The following DIP2B variants were observed in gnomAD, a reference collection of about 807,000 sequenced individuals.
DIP2B encodes the protein disco-interacting protein 2 homolog B.
In DIP2B, 76 loss-of-function variants were observed where a neutral mutation model predicts 198.0. The observed-to-expected ratio is 0.38, with a 90% CI of 0.32 to 0.46. The LOEUF (loss-of-function observed/expected upper bound fraction) is 0.46, where lower values mean the gene tolerates loss of function less well. Among genes scored for constraint, DIP2B ranks in the 20% least tolerant of loss-of-function variants. DIP2B has a pLI of 0.99. For synonymous variants in DIP2B, 701 were observed against 739.1 expected (o/e 0.95, Z 0.84); for missense variants, 1,559 against 1,978.4 (o/e 0.79, Z 4.02).
At chr12:50,515,344 C>T (rs909109611) in intron 1 of DIP2B, among the ~76,000 whole-genome samples, 5 of 152,006 alleles carry the variant, frequency 3.3e-5, no homozygotes, top group African/African-American at 1.2e-4. Context: ...AACAATTCTG[C>T]CTCAGCCTCC....
At chr12:50,721,776 G>A (rs1565882020) in intron 26 of DIP2B, among the ~76,000 whole-genome samples, 2 of 152,178 alleles carry the variant, frequency 1.3e-5, no homozygotes, top group African/African-American at 2.4e-5. Flanking sequence ...GAAATGTTGT[G>A]CGTGAATTCT....
In DIP2B at chr12:50,746,874, TG is replaced by T. The variant is rs888769930; in HGVS notation, c.*2036del. ...TAAAAGTTATGGTTAGATGCTATTC[TG>T]TGGGTTGCTTTGATAATTCTTACTA... On this transcript the variant is annotated 3_prime_UTR_variant, in exon 38 of 38. Transcript: ENST00000301180. The T allele has an allele frequency of 2.0e-5, 3 of 152,238 alleles. No individual in the cohort carries two copies. The highest frequency in any genetic ancestry group is 2.0e-4 in the Admixed American group (3 of 15,282). 9.4% of individuals were successfully genotyped at this position (152,238 alleles called of 1,614,324 possible).
chr12:50,547,996 T>C (rs544465723), intron 1 of DIP2B, among the ~76,000 whole-genome samples: 4 of 152,246 alleles, frequency 2.6e-5, no homozygotes, highest in Admixed American at 2.6e-4. Context: ...TTGAGCCTAG[T>C]AGTCCAAGGC....
intron 1 of DIP2B, among the ~76,000 whole-genome samples, chr12:50,533,601 G>A (rs1958237570): frequency 9.1e-6 from 1 of 110,420 alleles, no homozygotes; most frequent in African/African-American, 3.5e-5. Flanking sequence ...TATCAAGGAA[G>A]ACAACTTTTT....
intron 26 of DIP2B, 93 bp from the exon 27 acceptor site, chr12:50,723,109 C>A: frequency 1.3e-6 from 2 of 1,517,006 alleles, no homozygotes; most frequent in Non-Finnish European, 1.8e-6. Context: ...CTGTCTGGCA[C>A]ATGATTTAAT....
chr12:50,667,289 ATGTTTTCAGAAT>A (rs2139519797), intron 4 of DIP2B, among the ~76,000 whole-genome samples: 1 of 152,324 alleles, frequency 6.6e-6, no homozygotes, highest in South Asian at 2.1e-4. Context: ...AAGGCAAACT[ATGTTTTCAGAAT>A]TGTTTTCTGT....
intron 1 of DIP2B, among the ~76,000 whole-genome samples, chr12:50,563,913 T>C (rs1330643682): frequency 6.6e-6 from 1 of 152,152 alleles, no homozygotes; most frequent in Non-Finnish European, 1.5e-5. Context: ...GTGGTAAGGA[T>C]TGAGCTAATG....
chr12:50,675,295 A>G (rs1938927282), intron 6 of DIP2B, 34 bp from the exon 7 acceptor site: 3 of 1,604,122 alleles, frequency 1.9e-6, no homozygotes, highest in African/African-American at 1.3e-5. Flanking sequence ...CTTACAGTCA[A>G]TGAATTTTAA....
At chr12:50,636,137 A>G (rs1938155925) in intron 2 of DIP2B, among the ~76,000 whole-genome samples, 1 of 152,196 alleles carries the variant, frequency 6.6e-6, no homozygotes, top group Non-Finnish European at 1.5e-5. Flanking sequence ...TGGAAATTCA[A>G]AGGGACGTGA....
chr12:50,683,025 A>C, intron 9 of DIP2B, 113 bp from the exon 10 acceptor site: 1 of 911,890 alleles, frequency 1.1e-6, no homozygotes, highest in Non-Finnish European at 1.6e-6. Flanking sequence ...GATGGCTGTT[A>C]AATAGTTTGA....
intron 4 of DIP2B, among the ~76,000 whole-genome samples, chr12:50,666,891 G>A (rs918344931): frequency 1.3e-4 from 20 of 152,162 alleles, no homozygotes; most frequent in Non-Finnish European, 2.8e-4. Flanking sequence ...GCATGGTGGC[G>A]GGCGCCTGTA....
At chr12:50,596,662 T>G (rs1241640755) in intron 1 of DIP2B, among the ~76,000 whole-genome samples, 1 of 152,112 alleles carries the variant, frequency 6.6e-6, no homozygotes, top group Non-Finnish European at 1.5e-5. Flanking sequence ...CCCAGGAGTT[T>G]GAGACCAGCC....
At chr12:50,633,668 A>C (rs1240818994) in intron 2 of DIP2B, among the ~76,000 whole-genome samples, 1 of 152,110 alleles carries the variant, frequency 6.6e-6, no homozygotes, top group Non-Finnish European at 1.5e-5. Flanking sequence ...CAGGAGGCTG[A>C]GGTGGGAGGA....
In DIP2B at chr12:50,739,405, G is replaced by A. The variant is rs201664824; in HGVS notation, c.4177-4G>A. On this transcript the variant is annotated splice_polypyrimidine_tract_variant and splice_region_variant and intron_variant, in intron 35 of 37. Transcript: ENST00000301180. ...GAGTTGTGATCAAAGCACTTTTCTT[G>A]TAGATTTGGGTGAACAGTCCCCATA... The A allele has an allele frequency of 1.2e-6, 2 of 1,600,818 alleles. No homozygotes were observed. Among genetic ancestry groups the A allele is most frequent in the African/African-American group, 1.3e-5 (1 of 74,842 alleles).
chr12:50,628,085 T>C (rs1937970764), intron 2 of DIP2B, among the ~76,000 whole-genome samples: 1 of 152,044 alleles, frequency 6.6e-6, no homozygotes, highest in African/African-American at 2.4e-5. Context: ...TAAAAAGCAA[T>C]GATGGGCCGA....
chr12:50,635,526 C>T (rs896094967), intron 2 of DIP2B, among the ~76,000 whole-genome samples: 10 of 152,184 alleles, frequency 6.6e-5, no homozygotes, highest in African/African-American at 2.2e-4. Flanking sequence ...TGGCAGTCCC[C>T]GGTGTTCCAG....
At chr12:50,565,097 G>C (rs1255371140) in intron 1 of DIP2B, among the ~76,000 whole-genome samples, 1 of 151,910 alleles carries the variant, frequency 6.6e-6, no homozygotes, top group Non-Finnish European at 1.5e-5. Flanking sequence ...TTGACCTCCC[G>C]ACTCAAGTGA....
intron 2 of DIP2B, among the ~76,000 whole-genome samples, chr12:50,638,079 T>C (rs1938190945): frequency 6.6e-6 from 1 of 152,218 alleles, no homozygotes; most frequent in Non-Finnish European, 1.5e-5. Flanking sequence ...TGGTGACCTC[T>C]AGTGGATATT....
In DIP2B at chr12:50,631,737, TTTC is replaced by T. The variant is rs1470319108; in HGVS notation, c.172+5699_172+5701del. On this transcript the variant is annotated intron_variant, in intron 2 of 37. Coordinates refer to ENST00000301180, the MANE Select transcript of DIP2B (RefSeq NM_173602.3). Reference sequence around the variant, plus strand: ...CATGAGCCACTATGCCTGGCTAAATTTTCTTCTTCTTAAAGCACATTTTTTAGT... The same window carrying T: ...CATGAGCCACTATGCCTGGCTAAATTTTCTTCTTAAAGCACATTTTTTAGT... Among the ~76,000 whole-genome samples, 3 of 152,270 alleles carry T rather than the reference TTTC, an allele frequency of 2.0e-5. No individual in the cohort carries two copies. The East Asian group carries it at 5.8e-4, about 29-fold the overall frequency.
Sources: allele counts gnomAD v4.1 joint callset (sites outside exome capture counted in the v4.1 genomes callset), GRCh38; gene constraint gnomAD v4.1.1; transcripts MANE v1.5; gene names NCBI Gene and HGNC (gene_info 2026-07-23, HGNC 2026-07-21).